Variants in ASAH2 observed in about 807,000 individuals in gnomAD.
ASAH2 encodes the protein neutral ceramidase.
A neutral mutation model predicts 82.9 loss-of-function variants in ASAH2; 58 were observed. That is an observed-to-expected ratio of 0.70 (90% CI 0.57 to 0.87). The LOEUF (loss-of-function observed/expected upper bound fraction) is 0.87, where lower values mean the gene tolerates loss of function less well. Among genes scored for constraint, ASAH2 ranks in the 40% least tolerant of loss-of-function variants. The pLI is 0.00. For missense variants in ASAH2, 779 were observed against 834.0 expected (o/e 0.93, Z 0.81); for synonymous variants, 276 against 289.7 (o/e 0.95, Z 0.48).
intron 3 of ASAH2, 34 bp from the exon 4 acceptor site, chr10:50,243,385 C>T (rs1177683792): frequency 6.3e-7 from 1 of 1,599,940 alleles, no homozygotes. Context: ...GCTGCTCTGT[C>T]TCATTCCCCT....
At chr10:50,219,199 C>T (rs991093478) in intron 7 of ASAH2, among the ~76,000 whole-genome samples, 18 of 152,188 alleles carry the variant, frequency 1.2e-4, no homozygotes, top group Non-Finnish European at 1.8e-4. Context: ...AGGGTAAATG[C>T]ACAGAGGTGT....
At chr10:50,212,416 T>G (rs1028310664) in intron 10 of ASAH2, among the ~76,000 whole-genome samples, 1 of 152,052 alleles carries the variant, frequency 6.6e-6, no homozygotes, top group South Asian at 2.1e-4. Context: ...GAGACCAGAT[T>G]TGATGAAGAG....
chr10:50,244,963 G>C (rs368721543), intron 3 of ASAH2, among the ~76,000 whole-genome samples: 3 of 150,994 alleles, frequency 2.0e-5, no homozygotes, highest in Non-Finnish European at 4.4e-5. Flanking sequence ...CTCACCCCCT[G>C]TAGTATTTGA....
At chr10:50,226,626 T>A (rs1845891459) in intron 7 of ASAH2, among the ~76,000 whole-genome samples, 4 of 152,160 alleles carry the variant, frequency 2.6e-5, no homozygotes, top group Non-Finnish European at 5.9e-5. Context: ...AGGGAGGCTG[T>A]GCATGTATTG....
In ASAH2 at chr10:50,225,628, GACAA is replaced by G. The variant is rs1392571181; in HGVS notation, c.894-7002_894-6999del. Among the ~76,000 whole-genome samples, 37 of 152,134 alleles carry G rather than the reference GACAA, an allele frequency of 2.4e-4. 2 individuals carry two copies. The highest frequency in any genetic ancestry group is 2.3e-3 in the Admixed American group (35 of 15,262). ...GTCATACTAAGATTGGCAAGAGTAT[GACAA>G]ACAACATTCTGCTCAAGTTTGAGTA... On this transcript the variant is annotated intron_variant, in intron 7 of 20. Coordinates refer to ENST00000682911, the MANE Select transcript of ASAH2 (RefSeq NM_019893.4).
At chr10:50,244,016 G>C (rs1057268980) in intron 3 of ASAH2, among the ~76,000 whole-genome samples, 1 of 152,172 alleles carries the variant, frequency 6.6e-6, no homozygotes, top group African/African-American at 2.4e-5. Flanking sequence ...AAGAAAGGCA[G>C]ATTTATTAGG....
chr10:50,217,265 T>C (rs1845628776), intron 8 of ASAH2, among the ~76,000 whole-genome samples: 2 of 149,772 alleles, frequency 1.3e-5, no homozygotes, highest in African/African-American at 4.9e-5. Context: ...TCTCGCACTG[T>C]CCCCCAGGCT....
chr10:50,229,180 G>T (rs1845967075), intron 7 of ASAH2, among the ~76,000 whole-genome samples: 1 of 151,968 alleles, frequency 6.6e-6, no homozygotes, highest in East Asian at 1.9e-4. Flanking sequence ...AGACTCTCAA[G>T]GTTCTGTTTA....
chr10:50,200,789 G>A (rs1177945840), intron 16 of ASAH2, among the ~76,000 whole-genome samples: 3 of 152,092 alleles, frequency 2.0e-5, no homozygotes, highest in Non-Finnish European at 4.4e-5. Context: ...ATACTTGCTG[G>A]AGTATATCCC....
At chr10:50,210,788 G>A (rs746431049) in intron 12 of ASAH2, 35 bp downstream of exon 12, 1 of 1,488,838 alleles carries the variant, frequency 6.7e-7, no homozygotes, top group South Asian at 1.1e-5. Context: ...AGCTTCAGAA[G>A]CTGAAACCAT....
intron 12 of ASAH2, among the ~76,000 whole-genome samples, chr10:50,209,531 T>C (rs892124307): frequency 4.6e-4 from 70 of 151,684 alleles, no homozygotes; most frequent in South Asian, 8.3e-4. Flanking sequence ...GTATTTTTAG[T>C]AGAGACAGGG....
At chr10:50,240,098 G>C (rs1846258397) in intron 4 of ASAH2, among the ~76,000 whole-genome samples, 1 of 152,012 alleles carries the variant, frequency 6.6e-6, no homozygotes, top group Non-Finnish European at 1.5e-5. Context: ...AAAGTGCTGG[G>C]ATTACAGACG....
At chr10:50,241,885 G>A (rs12258578) in intron 4 of ASAH2, among the ~76,000 whole-genome samples, 35,717 of 151,858 alleles carry the variant, frequency 0.24, 6,746 homozygotes, top group African/African-American at 0.51. Flanking sequence ...GGGGCCTGTC[G>A]GTGGGTGGAG....
chr10:50,203,578 G>GGTGAA, intron 15 of ASAH2, 62 bp downstream of exon 15: 35 of 485,120 alleles, frequency 7.2e-5, no homozygotes, highest in Non-Finnish European at 1.2e-4. Flanking sequence ...CATAGGGATA[G>GGTGAA]GATATACTTT....
intron 4 of ASAH2, among the ~76,000 whole-genome samples, chr10:50,240,942 G>A (rs1385147415): frequency 1.3e-5 from 2 of 152,214 alleles, no homozygotes; most frequent in African/African-American, 4.8e-5. Flanking sequence ...TGACTTGCTT[G>A]ATGAATAGAA....
chr10:50,247,301 GCGTGCACCAC>G (rs1235056004), intron 2 of ASAH2, among the ~76,000 whole-genome samples: 1 of 149,514 alleles, frequency 6.7e-6, no homozygotes, highest in Non-Finnish European at 1.5e-5. Flanking sequence ...GGGATTACAG[GCGTGCACCAC>G]CACAAACAGC....
intron 6 of ASAH2, 65 bp from the exon 7 acceptor site, chr10:50,233,326 A>G: frequency 8.2e-7 from 1 of 1,221,386 alleles, no homozygotes; most frequent in South Asian, 1.2e-5. Context: ...TGTAAGATGA[A>G]CAGTAGCAGC....
chr10:50,223,105 C>A (rs1212597381), intron 7 of ASAH2, among the ~76,000 whole-genome samples: 1 of 151,956 alleles, frequency 6.6e-6, no homozygotes, highest in African/African-American at 2.4e-5. Context: ...CAAAATTAGT[C>A]AAAATTTCTG....
At chr10:50,243,906 A>G (rs934991282) in intron 3 of ASAH2, among the ~76,000 whole-genome samples, 11 of 152,182 alleles carry the variant, frequency 7.2e-5, no homozygotes, top group Non-Finnish European at 1.3e-4. Context: ...CCTGGCTTTT[A>G]CCATAGTATC....
Sources: gnomAD v4.1 joint callset for allele counts (sites outside exome capture counted in the v4.1 genomes callset) on GRCh38, gnomAD v4.1.1 for gene constraint, MANE v1.5 for transcripts, NCBI Gene and HGNC (gene_info 2026-07-23, HGNC 2026-07-21) for gene names.